The following BAIAP2L1 variants were observed in gnomAD, a reference collection of about 807,000 sequenced individuals.
BAIAP2L1 encodes the protein BAR/IMD domain containing adaptor protein 2 like 1, also known as BAR/IMD domain-containing adapter protein 2-like 1.
A neutral mutation model predicts 66.3 loss-of-function variants in BAIAP2L1; 35 were observed. The observed-to-expected ratio is 0.53, with a 90% CI of 0.40 to 0.70. The LOEUF is 0.70. Ranked by LOEUF, BAIAP2L1 falls within the 30% of genes least tolerant of loss-of-function variation. The pLI is 0.00. For synonymous variants in BAIAP2L1, 269 were observed against 248.7 expected, an observed-to-expected ratio of 1.08 and a Z score of -0.77; for missense variants, 622 against 656.9, an observed-to-expected ratio of 0.95 and a Z score of 0.58.
At chr7:98,389,593 T>A (rs1184136327) in intron 1 of BAIAP2L1, among the ~76,000 whole-genome samples, 1 of 152,086 alleles carries the variant, frequency 6.6e-6, no homozygotes, top group Non-Finnish European at 1.5e-5. Context: ...ACTGCTGGGA[T>A]TACGGGCATG....
intron 3 of BAIAP2L1, among the ~76,000 whole-genome samples, chr7:98,346,983 C>T (rs186887345): frequency 6.8e-6 from 1 of 146,316 alleles, no homozygotes; most frequent in East Asian, 2.0e-4. Flanking sequence ...TCAGGGAAAG[C>T]GATGCCAGCA....
At chr7:98,331,674 G>C (rs921931975) in intron 3 of BAIAP2L1, among the ~76,000 whole-genome samples, 1 of 151,962 alleles carries the variant, frequency 6.6e-6, no homozygotes. Flanking sequence ...CACCATGTTG[G>C]CCAGACTGTG....
intron 3 of BAIAP2L1, among the ~76,000 whole-genome samples, chr7:98,325,993 T>C (rs1801373900): frequency 6.6e-6 from 1 of 152,218 alleles, no homozygotes; most frequent in Non-Finnish European, 1.5e-5. Context: ...GTACCAACAC[T>C]GCACAAGCAG....
intron 1 of BAIAP2L1, among the ~76,000 whole-genome samples, chr7:98,385,455 G>T (rs1000480134): frequency 1.3e-5 from 2 of 152,000 alleles, no homozygotes; most frequent in African/African-American, 2.4e-5. Context: ...GGTTCTTGCT[G>T]TGTTGCCCAG....
chr7:98,319,012 G>A (rs1022662250), intron 5 of BAIAP2L1, among the ~76,000 whole-genome samples: 1 of 151,862 alleles, frequency 6.6e-6, no homozygotes, highest in East Asian at 1.9e-4. Flanking sequence ...ATTAGATAAC[G>A]TATGTAAATC....
chr7:98,314,492 A>G (rs1800997602), intron 7 of BAIAP2L1, among the ~76,000 whole-genome samples: 1 of 151,982 alleles, frequency 6.6e-6, no homozygotes, highest in Non-Finnish European at 1.5e-5. Context: ...GATGTTTACA[A>G]AGGCCCAACA....
chr7:98,387,365 G>C (rs556342172), intron 1 of BAIAP2L1, among the ~76,000 whole-genome samples: 16 of 152,260 alleles, frequency 1.1e-4, no homozygotes, highest in African/African-American at 3.6e-4. Context: ...GCTGCGGGAA[G>C]AACTCATGTT....
intron 1 of BAIAP2L1, chr7:98,386,555 C>T (rs1802895365): frequency 5.6e-6 from 9 of 1,597,232 alleles, no homozygotes; most frequent in Non-Finnish European, 6.8e-6. Flanking sequence ...TGCCGCCTTT[C>T]GTAAGGCGCT....
chr7:98,306,266 G>A (rs1800652489), intron 11 of BAIAP2L1, among the ~76,000 whole-genome samples, 173 bp downstream of exon 11: 1 of 152,082 alleles, frequency 6.6e-6, no homozygotes, highest in South Asian at 2.1e-4. Flanking sequence ...CAAAGCTCGG[G>A]GACAACAGAA....
intron 1 of BAIAP2L1, among the ~76,000 whole-genome samples, chr7:98,394,217 T>G (rs1386190281): frequency 6.6e-6 from 1 of 151,600 alleles, no homozygotes; most frequent in Non-Finnish European, 1.5e-5. Flanking sequence ...CACTCCAGCC[T>G]GGGCGACAGG....
At position 98,335,180 on chromosome 7, in the gene BAIAP2L1, T is replaced by C. The variant is rs71552580; in HGVS notation, c.215-14882A>G. On this transcript the variant is annotated intron_variant, in intron 3 of 13. Transcript: ENST00000005260. ...AAAAAAAAAAAAAAAAAAAAAAAAA[T>C]TTATCTCCCATGATCCTCTCCATGA... Among the ~76,000 whole-genome samples, 48 of 65,760 alleles carry C rather than the reference T, an allele frequency of 7.3e-4. 1 individual carries two copies. Among genetic ancestry groups the C allele is most frequent in the Admixed American group, 1.9e-3 (11 of 5,902 alleles). The allele number at this position is 65,760 out of a possible 152,430, so 43.1% of individuals were successfully genotyped here.
rs1307458849 is a variant in BAIAP2L1, at chr7:98,291,872, G to A, written c.*1649C>T. 1 of 153,106 alleles carries A rather than the reference G, an allele frequency of 6.5e-6. No individual in the cohort carries two copies. The highest frequency in any genetic ancestry group is 1.9e-4 in the East Asian group (1 of 5,202). 9.5% of individuals were successfully genotyped at this position (153,106 alleles called of 1,614,324 possible). On this transcript the variant is annotated 3_prime_UTR_variant, in exon 14 of 14. Transcript: ENST00000005260. ...CCCCAAGGCAGAACGCCAAAGGCCA[G>A]GTGTCACCCACACCCCAGCAGTTCC... is the stretch of plus-strand genomic sequence containing the variant.
intron 5 of BAIAP2L1, among the ~76,000 whole-genome samples, chr7:98,318,557 G>C (rs1259335332): frequency 6.6e-6 from 1 of 151,946 alleles, no homozygotes; most frequent in African/African-American, 2.4e-5. Flanking sequence ...GGGATTACAG[G>C]CGTGAGCCAC....
At chr7:98,387,349 A>G (rs1209597391) in intron 1 of BAIAP2L1, among the ~76,000 whole-genome samples, 3 of 152,144 alleles carry the variant, frequency 2.0e-5, no homozygotes, top group Non-Finnish European at 4.4e-5. Flanking sequence ...GGTGCTCAAG[A>G]AAACAGCTGC....
At chr7:98,383,933 C>A (rs1036818784) in intron 1 of BAIAP2L1, among the ~76,000 whole-genome samples, 1 of 151,954 alleles carries the variant, frequency 6.6e-6, no homozygotes, top group African/African-American at 2.4e-5. Context: ...GCGGGCAGAT[C>A]ACCTGAGGTC....
intron 3 of BAIAP2L1, among the ~76,000 whole-genome samples, chr7:98,321,471 C>G (rs183313675): frequency 6.6e-6 from 1 of 152,188 alleles, no homozygotes; most frequent in African/African-American, 2.4e-5. Context: ...AAACCAAGCA[C>G]AGTCACATGA....
At chr7:98,308,499 A>G in intron 9 of BAIAP2L1, 1 of 363,336 alleles carries the variant, frequency 2.8e-6, no homozygotes, top group Non-Finnish European at 5.4e-6. Flanking sequence ...AGGTGCTGCT[A>G]TTTATTATCC....
intron 3 of BAIAP2L1, among the ~76,000 whole-genome samples, chr7:98,353,195 C>T (rs1802037111): frequency 6.6e-6 from 1 of 151,184 alleles, no homozygotes; most frequent in African/African-American, 2.4e-5. Flanking sequence ...GTAACTGAGT[C>T]TATTAAATAT....
At chr7:98,360,303 A>G (rs1562784227) in intron 2 of BAIAP2L1, among the ~76,000 whole-genome samples, 2 of 151,836 alleles carry the variant, frequency 1.3e-5, no homozygotes, top group African/African-American at 2.4e-5. Context: ...TCAGACTCCC[A>G]AAGTGCTGGA....
Sources: allele counts gnomAD v4.1 joint callset (sites outside exome capture counted in the v4.1 genomes callset), GRCh38; gene constraint gnomAD v4.1.1; transcripts MANE v1.5; gene names NCBI Gene and HGNC (gene_info 2026-07-23, HGNC 2026-07-21).